Variants in ME2 observed in about 807,000 individuals in gnomAD.
ME2 encodes malic enzyme 2.
In ME2, 60 loss-of-function variants were observed where a neutral mutation model predicts 73.7. The ratio of observed to expected loss-of-function variants is 0.81; its 90% CI spans 0.66 to 1.01. The LOEUF (loss-of-function observed/expected upper bound fraction) is 1.01, where lower values mean the gene tolerates loss of function less well. Among genes scored for constraint, ME2 ranks in the 50% least tolerant of loss-of-function variants. The pLI is 0.00. For synonymous variants in ME2, 199 were observed against 236.9 expected, an observed-to-expected ratio of 0.84 and a Z score of 1.47; for missense variants, 594 against 705.5, an observed-to-expected ratio of 0.84 and a Z score of 1.79.
intron 1 of ME2, among the ~76,000 whole-genome samples, chr18:50,883,853 ACT>A (rs1290600168): frequency 1.3e-5 from 2 of 151,978 alleles, no homozygotes; most frequent in Non-Finnish European, 2.9e-5. Flanking sequence ...ACAGAGCAAG[ACT>A]CTGTCTAAAA....
chr18:50,890,936 C>T (rs925480771), intron 1 of ME2, among the ~76,000 whole-genome samples: 3 of 152,172 alleles, frequency 2.0e-5, no homozygotes, highest in Admixed American at 2.0e-4. Context: ...CATATTGAGC[C>T]TGGCTCTGCC....
intron 1 of ME2, among the ~76,000 whole-genome samples, chr18:50,884,842 TTGTG>T (rs10599201): frequency 0.83 from 124,345 of 150,574 alleles, 52,625 homozygotes; most frequent in Non-Finnish European, 0.92. Context: ...TTGTGTGTGT[TTGTG>T]TGTGTGTGTG....
At chr18:50,913,307 T>C (rs1366877098) in intron 4 of ME2, 1 of 163,738 alleles carries the variant, frequency 6.1e-6, no homozygotes, top group African/African-American at 2.4e-5. Flanking sequence ...GAGATTTTTT[T>C]TTCTCATTTT....
rs1917187889 is a variant in ME2 at position 50,912,794 on chromosome 18, A to G, written c.243-7A>G. On this transcript the variant is annotated splice_polypyrimidine_tract_variant and splice_region_variant and intron_variant, in intron 3 of 15. Coordinates refer to ENST00000321341, the MANE Select transcript of ME2 (RefSeq NM_002396.5). ...ACTTAGACATTATTTACTGTGCTTC[A>G]TTTCAGATATATCTACATAATGGGA... 1.3e-6 allele frequency: 2 copies of G among 1,561,284 alleles called. No homozygotes were observed. The highest frequency in any genetic ancestry group is 1.7e-6 in the Non-Finnish European group (2 of 1,149,128).
chr18:50,933,838 C>A (rs1271197231), intron 13 of ME2: 5 of 151,990 alleles, frequency 3.3e-5, no homozygotes, highest in Non-Finnish European at 7.4e-5. Context: ...TAAGTAGGCC[C>A]CAGTGTCTGT....
rs1456842162 is a variant in ME2, at chr18:50,953,862, A to G, written c.*6678A>G. The G allele has an allele frequency of 6.6e-6, 1 of 152,218 alleles. No homozygotes were observed. Among genetic ancestry groups the G allele is most frequent in the Admixed American group, 6.5e-5 (1 of 15,280 alleles). The allele number at this position is 152,218 out of a possible 1,614,324, so 9.4% of individuals were successfully genotyped here. A position where few individuals can be genotyped will look rare whatever the true frequency, so the allele number is the denominator to read the frequency against. ...TATGACAATATAAAATGTCTGCCCAATGTTTTATTATACTTTGTCTAATGA... is the reference window on the plus strand; with the variant it reads ...TATGACAATATAAAATGTCTGCCCAGTGTTTTATTATACTTTGTCTAATGA... On this transcript the variant is annotated 3_prime_UTR_variant, in exon 16 of 16. Coordinates refer to ENST00000321341, the MANE Select transcript of ME2 (RefSeq NM_002396.5).
chr18:50,930,129 GCA>G (rs763962292), intron 12 of ME2, among the ~76,000 whole-genome samples: 4 of 151,984 alleles, frequency 2.6e-5, no homozygotes, highest in Non-Finnish European at 5.9e-5. Flanking sequence ...GCATGGTGGC[GCA>G]CACCTGTGGT....
chr18:50,921,529 C>A (rs1052914557), intron 10 of ME2, among the ~76,000 whole-genome samples: 5 of 152,082 alleles, frequency 3.3e-5, no homozygotes, highest in African/African-American at 9.7e-5. Context: ...AATTAAATTG[C>A]AGTATTGCAG....
intron 4 of ME2, among the ~76,000 whole-genome samples, chr18:50,913,950 C>A (rs1285130686): frequency 7.9e-5 from 12 of 151,716 alleles, no homozygotes; most frequent in Admixed American, 6.6e-4. Context: ...TTATTTTTCT[C>A]AATCCTTATA....
intron 12 of ME2, among the ~76,000 whole-genome samples, chr18:50,927,749 T>TAC (rs1270906261): frequency 7.3e-6 from 1 of 137,820 alleles, no homozygotes. Flanking sequence ...TATATATATA[T>TAC]ATACACACCA....
At chr18:50,902,735 A>G (rs375984926) in intron 2 of ME2, among the ~76,000 whole-genome samples, 10 of 152,332 alleles carry the variant, frequency 6.6e-5, no homozygotes, top group African/African-American at 2.4e-4. Flanking sequence ...TTCTCTTAAA[A>G]GTATACTTAC....
intron 1 of ME2, among the ~76,000 whole-genome samples, chr18:50,888,215 C>T (rs1279781919): frequency 6.6e-6 from 1 of 152,066 alleles, no homozygotes; most frequent in Non-Finnish European, 1.5e-5. Flanking sequence ...CATGATGGCA[C>T]ATGCCTGTCA....
chr18:50,950,490 T>TTTTTTTTTC lies in ME2; in HGVS notation c.*3311_*3312insTTTCTTTTT. 4 of 141,824 alleles carry TTTTTTTTTC rather than the reference T, an allele frequency of 2.8e-5. No homozygotes were observed. Among genetic ancestry groups the TTTTTTTTTC allele is most frequent in the Non-Finnish European group, 4.6e-5 (3 of 65,458 alleles). 8.8% of individuals were successfully genotyped at this position (141,824 alleles called of 1,614,324 possible). A position where few individuals can be genotyped will look rare whatever the true frequency, so the allele number is the denominator to read the frequency against. On this transcript the variant is annotated 3_prime_UTR_variant, in exon 16 of 16. Transcript: ENST00000321341. ...TGCTTTTTTTTTTTTTTTTTTTTTT[T>TTTTTTTTTC]TTTTTAAACAGGGTCTCTTTCTTTT...
At position 50,916,530 on chromosome 18, in the gene ME2, A is replaced by G. The variant is rs541630594; in HGVS notation, c.468+287A>G. The G allele has an allele frequency of 1.7e-4, 40 of 238,654 alleles. No homozygotes were observed. In the South Asian group the frequency reaches 5.9e-3, roughly 35 times the overall value. The allele number at this position is 238,654 out of a possible 1,614,324, so 14.8% of individuals were successfully genotyped here. ...CCTTCTCAATCTCCTTTTCTATTTC[A>G]CTAATATTATTCTAGGTAAAGAAAA... On this transcript the variant is annotated intron_variant, in intron 5 of 15. Coordinates refer to ENST00000321341, the MANE Select transcript of ME2 (RefSeq NM_002396.5).
chr18:50,884,868 G>A (rs1916418862), intron 1 of ME2, among the ~76,000 whole-genome samples: 1 of 149,658 alleles, frequency 6.7e-6, no homozygotes, highest in Admixed American at 6.7e-5. Flanking sequence ...GTGTGTGTGT[G>A]TCTGAAACGG....
intron 12 of ME2, among the ~76,000 whole-genome samples, chr18:50,930,076 G>A (rs577633734): frequency 2.6e-5 from 4 of 152,068 alleles, no homozygotes; most frequent in East Asian, 1.9e-4. Flanking sequence ...CCTAGGCAAC[G>A]TAGCGAAACC....
At chr18:50,883,984 T>A (rs556476485) in intron 1 of ME2, among the ~76,000 whole-genome samples, 34 of 152,336 alleles carry the variant, frequency 2.2e-4, no homozygotes, top group African/African-American at 6.5e-4. Context: ...TCTCCTTCTG[T>A]CATCTTTGTG....
intron 12 of ME2, among the ~76,000 whole-genome samples, chr18:50,926,120 A>G (rs1001013883): frequency 2.0e-5 from 3 of 152,124 alleles, no homozygotes; most frequent in Non-Finnish European, 4.4e-5. Flanking sequence ...ATTGTTGTGA[A>G]TTTTAATTTT....
intron 1 of ME2, among the ~76,000 whole-genome samples, chr18:50,883,008 AAAG>A (rs1212459533): frequency 6.6e-6 from 1 of 152,208 alleles, no homozygotes; most frequent in Non-Finnish European, 1.5e-5. Flanking sequence ...TTTCCTTAAA[AAAG>A]GGACATTTTT....
Sources: allele counts gnomAD v4.1 joint callset (sites outside exome capture counted in the v4.1 genomes callset), GRCh38; gene constraint gnomAD v4.1.1; transcripts MANE v1.5; gene names NCBI Gene and HGNC (gene_info 2026-07-23, HGNC 2026-07-21).